Variants in GRIA3 observed in about 807,000 individuals in gnomAD.
GRIA3 encodes the protein glutamate receptor 3.
GRIA3 carries 3 observed loss-of-function variants against 63.0 expected under a neutral mutation model. The observed-to-expected ratio is 0.05, with a 90% CI of 0.02 to 0.12. The LOEUF is 0.12. Ranked by LOEUF, GRIA3 falls within the 10% of genes least tolerant of loss-of-function variation. The pLI is 1.00. For missense variants in GRIA3, 347 were observed against 700.9 expected (o/e 0.50, Z 5.70); for synonymous variants, 274 against 257.9 (o/e 1.06, Z -0.60).
chrX:123,431,579 C>T (rs56948271), intron 12 of GRIA3, among the ~76,000 whole-genome samples: 149 of 112,006 alleles, frequency 1.3e-3, no homozygotes, highest in African/African-American at 4.1e-3. Flanking sequence ...AACAAGTGGA[C>T]GGCTTTATTG....
chrX:123,336,250 C>G (rs1232174706), intron 4 of GRIA3, among the ~76,000 whole-genome samples: 1 of 112,220 alleles, frequency 8.9e-6, no homozygotes, highest in Non-Finnish European at 1.9e-5. Flanking sequence ...TGTGCAGACT[C>G]AAGTTCTTCA....
intron 2 of GRIA3, among the ~76,000 whole-genome samples, chrX:123,216,370 T>C (rs906188725): frequency 3.6e-5 from 4 of 112,206 alleles, no homozygotes; most frequent in Non-Finnish European, 7.5e-5. Flanking sequence ...GGATGTGAGG[T>C]TTCAGCGATG....
chrX:123,209,090 T>G (rs1411117116), intron 2 of GRIA3, among the ~76,000 whole-genome samples: 1 of 111,251 alleles, frequency 9.0e-6, no homozygotes, highest in Non-Finnish European at 1.9e-5. Context: ...TTATATAGAA[T>G]GGGAAGACAG....
At chrX:123,399,804 T>C (rs980865255) in intron 7 of GRIA3, among the ~76,000 whole-genome samples, 1 of 111,814 alleles carries the variant, frequency 8.9e-6, no homozygotes, top group Non-Finnish European at 1.9e-5. Flanking sequence ...ATTGATGCCT[T>C]AAATTTGCCA....
At chrX:123,433,241 C>T (rs1404504193) in intron 12 of GRIA3, among the ~76,000 whole-genome samples, 2 of 111,488 alleles carry the variant, frequency 1.8e-5, no homozygotes, top group Non-Finnish European at 3.8e-5. Flanking sequence ...GGCATAAAGA[C>T]ACATATTAAA....
At chrX:123,478,714 A>C (rs907533212) in intron 13 of GRIA3, among the ~76,000 whole-genome samples, 1 of 112,222 alleles carries the variant, frequency 8.9e-6, no homozygotes, top group South Asian at 3.7e-4. Flanking sequence ...GGTCCAACTT[A>C]TCCAAAATAG....
At chrX:123,342,521 C>A (rs763579544) in intron 4 of GRIA3, among the ~76,000 whole-genome samples, 4 of 112,064 alleles carry the variant, frequency 3.6e-5, no homozygotes, top group Middle Eastern at 4.2e-3. Flanking sequence ...AGACAAGGAT[C>A]AAAATACATT....
intron 2 of GRIA3, among the ~76,000 whole-genome samples, chrX:123,232,270 C>T (rs756996516): frequency 6.6e-4 from 74 of 111,782 alleles, no homozygotes; most frequent in Non-Finnish European, 4.5e-4. Context: ...CAGTTGCTAA[C>T]TCCACAAGGG....
Position 123,463,580 on chromosome X carries a change from G to GGAAGGAAGGAAGGAAGGA in GRIA3, c.2077-1285_2077-1284insGAAGGAAGGAAGGAAGGA, listed in dbSNP as rs1569440736. Reference sequence around the variant, plus strand: ...GAAGGAAGGAAGGAAGGAAGGAAGGGAGGGAGGGAGGGAGGGAGGGAGGGA... The same window carrying GGAAGGAAGGAAGGAAGGA: ...GAAGGAAGGAAGGAAGGAAGGAAGGGGAAGGAAGGAAGGAAGGAAGGGAGGGAGGGAGGGAGGGAGGGA... On this transcript the variant is annotated intron_variant, in intron 12 of 15. Coordinates refer to ENST00000620443, the MANE Select transcript of GRIA3 (RefSeq NM_007325.5). Among the ~76,000 whole-genome samples, 29 of 24,748 alleles carry GGAAGGAAGGAAGGAAGGA rather than the reference G, an allele frequency of 1.2e-3. 2 individuals carry two copies. The highest frequency in any genetic ancestry group is 7.4e-3 in the African/African-American group (23 of 3,115). The allele number at this position is 24,748 out of a possible 115,157, so 21.5% of individuals were successfully genotyped here. A position where few individuals can be genotyped will look rare whatever the true frequency, so the allele number is the denominator to read the frequency against.
At chrX:123,463,676 GAA>G (rs1230475357) in intron 12 of GRIA3, among the ~76,000 whole-genome samples, 1,302 of 55,284 alleles carry the variant, frequency 0.024, 107 homozygotes, top group African/African-American at 0.034. Flanking sequence ...AAGAAAGAAA[GAA>G]AGAAAGAGAG....
At chrX:123,235,496 C>T (rs112341647) in intron 2 of GRIA3, among the ~76,000 whole-genome samples, 4,486 of 110,747 alleles carry the variant, frequency 0.041, 230 homozygotes, top group African/African-American at 0.14. Context: ...TCCAGAAAAA[C>T]GGGAGAGTTG....
intron 12 of GRIA3, among the ~76,000 whole-genome samples, chrX:123,464,014 T>A (rs1346062888): frequency 1.8e-5 from 2 of 110,957 alleles, no homozygotes; most frequent in Non-Finnish European, 3.8e-5. Flanking sequence ...AAACCAAAGT[T>A]GTGAGAGTTC....
At chrX:123,428,574 T>C (rs775141391) in intron 12 of GRIA3, among the ~76,000 whole-genome samples, 1 of 112,158 alleles carries the variant, frequency 8.9e-6, no homozygotes, top group Non-Finnish European at 1.9e-5. Flanking sequence ...GACTGATGAG[T>C]AATGGACTAT....
chrX:123,319,903 T>C (rs936963032), intron 3 of GRIA3, among the ~76,000 whole-genome samples: 2 of 110,464 alleles, frequency 1.8e-5, no homozygotes, highest in Admixed American at 9.7e-5. Context: ...CCACTCTGGC[T>C]GTACATGAGA....
At chrX:123,338,227 T>C (rs2044986333) in intron 4 of GRIA3, among the ~76,000 whole-genome samples, 1 of 112,258 alleles carries the variant, frequency 8.9e-6, no homozygotes, top group East Asian at 2.8e-4. Flanking sequence ...ATTGTGAGAA[T>C]TGGGTGTGGC....
At chrX:123,417,369 C>A in intron 10 of GRIA3, 33 bp from the exon 11 acceptor site, 2 of 1,144,916 alleles carry the variant, frequency 1.7e-6, no homozygotes, top group East Asian at 6.0e-5. Context: ...CTCTAAAAGT[C>A]ATATATGTTT....
At chrX:123,420,064 G>A (rs1223526475) in intron 11 of GRIA3, among the ~76,000 whole-genome samples, 1 of 111,793 alleles carries the variant, frequency 8.9e-6, no homozygotes, top group African/African-American at 3.2e-5. Context: ...TACATTGTAG[G>A]TGACTGTAAC....
At chrX:123,339,556 C>T (rs1201496564) in intron 4 of GRIA3, among the ~76,000 whole-genome samples, 1 of 112,166 alleles carries the variant, frequency 8.9e-6, no homozygotes, top group Non-Finnish European at 1.9e-5. Flanking sequence ...GAGGGGAACA[C>T]AGATCTTAAT....
Position 123,276,911 on chromosome X carries a change from T to C in GRIA3, c.508+23369T>C, listed in dbSNP as rs142412132. Among the ~76,000 whole-genome samples the C allele has an allele frequency of 2.7e-3, 303 of 111,793 alleles. 3 individuals are homozygous for C. Among genetic ancestry groups the C allele is most frequent in the African/African-American group, 9.6e-3 (295 of 30,817 alleles). On this transcript the variant is annotated intron_variant, in intron 3 of 15. Transcript: ENST00000620443. ...AAGTTAATTATGATTAAATAAAATT[T>C]AAAATGAAGTTCCTCAGTTTAATTA... is the stretch of plus-strand genomic sequence containing the variant.
Sources: gnomAD v4.1 joint callset for allele counts (sites outside exome capture counted in the v4.1 genomes callset) on GRCh38, gnomAD v4.1.1 for gene constraint, MANE v1.5 for transcripts, NCBI Gene and HGNC (gene_info 2026-07-23, HGNC 2026-07-21) for gene names.